ATP9B: variants seen among roughly 807,000 people sequenced by gnomAD.
ATP9B encodes probable phospholipid-transporting ATPase IIB.
A neutral mutation model predicts 146.1 loss-of-function variants in ATP9B; 110 were observed. The ratio of observed to expected loss-of-function variants is 0.75; its 90% CI spans 0.65 to 0.88. The LOEUF (loss-of-function observed/expected upper bound fraction) is 0.88. Ranked by LOEUF, ATP9B falls within the 40% of genes least tolerant of loss-of-function variation. The probability of loss-of-function intolerance (pLI) is 0.00; values close to 1 mark genes in which losing one functional copy is unlikely to be tolerated. For synonymous variants in ATP9B, 604 were observed against 569.7 expected (o/e 1.06, Z -0.86); for missense variants, 1,499 against 1,496.4 (o/e 1.00, Z -0.03).
rs144052024 is a variant in ATP9B, at chr18:79,374,656, G to A, written c.3274+555G>A. ...CACAGCCGCGTGTGCACTTGTCCTC[G>A]TCTCAGTGCCTGAGTGTCCATGCAG... On this transcript the variant is annotated intron_variant, in intron 28 of 29. Transcript: ENST00000426216. Among the ~76,000 whole-genome samples the A allele has an allele frequency of 3.7e-4, 56 of 152,378 alleles. No individual in the cohort carries two copies. The East Asian group carries it at 8.5e-3, about 23-fold the overall frequency.
chr18:79,098,042 T>TA (rs1230766591), intron 2 of ATP9B, among the ~76,000 whole-genome samples: 2 of 151,920 alleles, frequency 1.3e-5, no homozygotes, highest in African/African-American at 4.8e-5. Flanking sequence ...AAAACAGAGA[T>TA]ATAGATCAAT....
chr18:79,073,677 G>GAGGGAGA (rs2072257357), intron 1 of ATP9B, among the ~76,000 whole-genome samples: 1 of 152,188 alleles, frequency 6.6e-6, no homozygotes, highest in South Asian at 2.1e-4. Flanking sequence ...AGACGACGGA[G>GAGGGAGA]AGGGAGAAGG....
At position 79,282,745 on chromosome 18, in the gene ATP9B, G is replaced by A. The variant is rs115742186; in HGVS notation, c.1411+5549G>A. On this transcript the variant is annotated intron_variant, in intron 13 of 29. Transcript: ENST00000426216. ...CAAGCGCTTCCCCTGTCTCTCAGTT[G>A]TGCCTGTAGTTTCCTATCTAGTTTC... Among the ~76,000 whole-genome samples, 1,363 of 152,230 alleles carry A rather than the reference G, an allele frequency of 9.0e-3. 7 individuals carry two copies. Among genetic ancestry groups the A allele is most frequent in the African/African-American group, 0.023 (961 of 41,532 alleles).
chr18:79,304,625 G>A (rs964628420), intron 14 of ATP9B, among the ~76,000 whole-genome samples: 1 of 152,162 alleles, frequency 6.6e-6, no homozygotes, highest in African/African-American at 2.4e-5. Context: ...GCAGGCAGTG[G>A]GTTGTGTATA....
intron 13 of ATP9B, among the ~76,000 whole-genome samples, chr18:79,278,362 C>T (rs1187630523): frequency 1.3e-5 from 2 of 152,188 alleles, no homozygotes; most frequent in African/African-American, 4.8e-5. Context: ...ACTATCCGTG[C>T]AGCAGTTCTT....
chr18:79,376,677 A>G (rs911466048), intron 29 of ATP9B, among the ~76,000 whole-genome samples: 1 of 148,704 alleles, frequency 6.7e-6, no homozygotes, highest in Non-Finnish European at 1.5e-5. Context: ...GGCGTGAGCC[A>G]CCATGGCCGG....
chr18:79,260,930 T>C (rs530987930), intron 12 of ATP9B, among the ~76,000 whole-genome samples: 13 of 152,220 alleles, frequency 8.5e-5, no homozygotes, highest in Non-Finnish European at 1.5e-4. Context: ...CCATTTGGAA[T>C]GGAAATACCT....
chr18:79,139,372 G>A (rs940922171), intron 5 of ATP9B, among the ~76,000 whole-genome samples: 1 of 152,138 alleles, frequency 6.6e-6, no homozygotes, highest in Non-Finnish European at 1.5e-5. Flanking sequence ...GCAGTGCTGT[G>A]GATGTTTTGC....
intron 9 of ATP9B, among the ~76,000 whole-genome samples, chr18:79,199,329 A>C (rs2095444225): frequency 1.3e-5 from 2 of 152,228 alleles, no homozygotes; most frequent in South Asian, 4.1e-4. Context: ...TTTTTAAAAA[A>C]TCTTTTTACT....
At chr18:79,079,276 C>T (rs576870557) in intron 1 of ATP9B, among the ~76,000 whole-genome samples, 3 of 152,320 alleles carry the variant, frequency 2.0e-5, no homozygotes, top group Admixed American at 2.0e-4. Context: ...ACACTCCCAC[C>T]AACAGTATAA....
chr18:79,310,030 T>C (rs745954263), intron 15 of ATP9B, among the ~76,000 whole-genome samples: 1 of 152,176 alleles, frequency 6.6e-6, no homozygotes, highest in Non-Finnish European at 1.5e-5. Context: ...ACAGTGGAAA[T>C]ATGAGCCTAA....
At chr18:79,361,746 A>G (rs536945399) in intron 26 of ATP9B, 13 of 985,138 alleles carry the variant, frequency 1.3e-5, no homozygotes, top group Non-Finnish European at 1.6e-5. Flanking sequence ...CAGTTCGCCA[A>G]GGTAGCACAG....
At chr18:79,240,695 G>A (rs1431310114) in intron 11 of ATP9B, among the ~76,000 whole-genome samples, 2 of 152,204 alleles carry the variant, frequency 1.3e-5, no homozygotes, top group Non-Finnish European at 2.9e-5. Context: ...CGGTGAAGCC[G>A]AGATCGTGCC....
intron 9 of ATP9B, among the ~76,000 whole-genome samples, chr18:79,200,750 T>TGGAGGTGGGAACTGTCGGGGTCAGAGC (rs1568388691): frequency 6.8e-5 from 5 of 73,882 alleles, no homozygotes; most frequent in Admixed American, 2.9e-4. Context: ...AGAGCAGAGG[T>TGGAGGTGGGAACTGTCGGGGTCAGAGC]GGAGGTGGGA....
chr18:79,268,587 T>G (rs1341959659), intron 12 of ATP9B, among the ~76,000 whole-genome samples: 1 of 152,208 alleles, frequency 6.6e-6, no homozygotes, highest in Non-Finnish European at 1.5e-5. Context: ...GCATTTAACT[T>G]AATTTGCTCC....
At chr18:79,079,436 A>G (rs1351259880) in intron 1 of ATP9B, among the ~76,000 whole-genome samples, 1 of 152,204 alleles carries the variant, frequency 6.6e-6, no homozygotes, top group Non-Finnish European at 1.5e-5. Flanking sequence ...TGTCGGCCGC[A>G]TAAATGTCTT....
intron 26 of ATP9B, among the ~76,000 whole-genome samples, chr18:79,369,836 C>T (rs763130769): frequency 2.0e-5 from 3 of 152,202 alleles, no homozygotes; most frequent in Non-Finnish European, 2.9e-5. Flanking sequence ...CAGTGGCTCA[C>T]GCTTGTAATC....
At chr18:79,105,870 A>G (rs563897891) in intron 2 of ATP9B, among the ~76,000 whole-genome samples, 2 of 152,334 alleles carry the variant, frequency 1.3e-5, no homozygotes, top group Admixed American at 6.5e-5. Context: ...TTAAGAAGAC[A>G]TCAGCATTGT....
Position 79,321,573 on chromosome 18 carries a change from TTCTG to T in ATP9B, c.1774-7565_1774-7562del, listed in dbSNP as rs767182280. ...TATGTTTAATTTTATATTATCGAAA[TTCTG>T]TCCAACAACAGGCAAGTTACATGAG... is the stretch of plus-strand genomic sequence containing the variant. On this transcript the variant is annotated intron_variant, in intron 15 of 29. Transcript: ENST00000426216. Among the ~76,000 whole-genome samples, 119 of 152,234 alleles carry T rather than the reference TTCTG, an allele frequency of 7.8e-4. 1 individual carries two copies. The highest frequency in any genetic ancestry group is 1.4e-3 in the Non-Finnish European group (94 of 67,994).
Sources: gnomAD v4.1 joint callset for allele counts (sites outside exome capture counted in the v4.1 genomes callset) on GRCh38, gnomAD v4.1.1 for gene constraint, MANE v1.5 for transcripts, NCBI Gene and HGNC (gene_info 2026-07-23, HGNC 2026-07-21) for gene names.